The following WDR45B variants were observed in gnomAD, a reference collection of about 807,000 sequenced individuals.
The protein encoded by WDR45B is WD repeat domain 45B.
A neutral mutation model predicts 44.6 loss-of-function variants in WDR45B; 20 were observed. That is an observed-to-expected ratio of 0.45 (90% CI 0.32 to 0.65). The LOEUF (loss-of-function observed/expected upper bound fraction) is 0.65, where lower values mean the gene tolerates loss of function less well. Among genes scored for constraint, WDR45B ranks in the 30% least tolerant of loss-of-function variants. The pLI is 0.05. For missense variants in WDR45B, 323 were observed against 430.2 expected (o/e 0.75, Z 2.20); for synonymous variants, 169 against 164.9 (o/e 1.02, Z -0.19).
chr17:82,624,949 T>C (rs553744242), intron 5 of WDR45B, among the ~76,000 whole-genome samples: 28 of 152,294 alleles, frequency 1.8e-4, no homozygotes, highest in African/African-American at 6.7e-4. Context: ...AGTCAGTTTT[T>C]TGTAAATTTT....
At chr17:82,617,849 G>A (rs2045560064) in intron 7 of WDR45B, among the ~76,000 whole-genome samples, 1 of 152,202 alleles carries the variant, frequency 6.6e-6, no homozygotes, top group Non-Finnish European at 1.5e-5. Context: ...TCTAGGAGCA[G>A]ACAGGGATGT....
intron 4 of WDR45B, 78 bp downstream of exon 4, chr17:82,627,126 C>T (rs1192703244): frequency 7.5e-6 from 9 of 1,197,880 alleles, no homozygotes; most frequent in Admixed American, 1.7e-5. Flanking sequence ...CATTTTTCTG[C>T]CAAAAATAGA....
At chr17:82,623,329 G>C (rs1239528031) in intron 5 of WDR45B, among the ~76,000 whole-genome samples, 2 of 147,618 alleles carry the variant, frequency 1.4e-5, no homozygotes, top group African/African-American at 5.0e-5. Context: ...GGAGGTTGCA[G>C]TAAGCTGAGA....
intron 1 of WDR45B, among the ~76,000 whole-genome samples, chr17:82,645,976 C>T (rs952354319): frequency 5.9e-5 from 9 of 151,836 alleles, no homozygotes; most frequent in Non-Finnish European, 1.0e-4. Flanking sequence ...CAAAAATTAG[C>T]CGGGAGCGGT....
In WDR45B at chr17:82,615,200, A is replaced by C. The variant is rs1170777387; in HGVS notation, c.*719T>G. 9.7e-5 allele frequency: 15 copies of C among 153,986 alleles called. No homozygotes were observed. The South Asian group carries it at 2.9e-3, about 29-fold the overall frequency. The allele number at this position is 153,986 out of a possible 1,614,324, so 9.5% of individuals were successfully genotyped here. On this transcript the variant is annotated 3_prime_UTR_variant, in exon 10 of 10. Coordinates refer to ENST00000392325, the MANE Select transcript of WDR45B (RefSeq NM_019613.4). ...CCCGTCCCCGCCCCGCACACGCCTG[A>C]GGTGTGACGGCTCGGCTTCTAGAGT...
At chr17:82,621,550 T>C (rs2045616957) in intron 6 of WDR45B, 59 bp downstream of exon 6, 3 of 1,610,924 alleles carry the variant, frequency 1.9e-6, no homozygotes, top group Non-Finnish European at 1.7e-6. Context: ...GGAATGGCCA[T>C]TTTGCTGAGC....
At chr17:82,616,686 G>A (rs2045540457) in intron 8 of WDR45B, 41 bp from the exon 9 acceptor site, 2 of 1,613,044 alleles carry the variant, frequency 1.2e-6, no homozygotes, top group African/African-American at 1.3e-5. Context: ...AAAGTTTACA[G>A]GAAAAAAAAT....
intron 2 of WDR45B, among the ~76,000 whole-genome samples, chr17:82,632,007 G>A (rs1392920740): frequency 3.3e-5 from 5 of 149,922 alleles, no homozygotes; most frequent in Non-Finnish European, 5.9e-5. Context: ...CTTGAACCCC[G>A]GAGGCTGAGG....
At chr17:82,631,643 T>C (rs1384813074) in intron 2 of WDR45B, among the ~76,000 whole-genome samples, 1 of 115,660 alleles carries the variant, frequency 8.6e-6, no homozygotes, top group African/African-American at 3.7e-5. Context: ...ATGAGAAAGG[T>C]GACTGGCTAA....
intron 4 of WDR45B, among the ~76,000 whole-genome samples, chr17:82,626,419 C>T (rs776824979): frequency 8.6e-5 from 13 of 150,338 alleles, no homozygotes; most frequent in Non-Finnish European, 1.2e-4. Context: ...CCTGTAGTCC[C>T]AGCTACTCCG....
chr17:82,633,235 CAAT>C (rs1391494925), intron 2 of WDR45B, among the ~76,000 whole-genome samples: 7 of 150,806 alleles, frequency 4.6e-5, no homozygotes, highest in Non-Finnish European at 1.0e-4. Flanking sequence ...CCAAAGGACA[CAAT>C]CAACAGAATG....
intron 2 of WDR45B, among the ~76,000 whole-genome samples, 159 bp downstream of exon 2, chr17:82,643,790 G>A (rs1427307303): frequency 1.3e-5 from 2 of 152,136 alleles, no homozygotes; most frequent in Admixed American, 6.5e-5. Flanking sequence ...GAAGCTCAAC[G>A]AAAGAAAGAG....
rs754915766 is a variant in WDR45B at position 82,616,032 on chromosome 17, T to A, written c.929-7A>T. The A allele has an allele frequency of 1.2e-6, 2 of 1,612,596 alleles. No homozygotes were observed. The highest frequency in any genetic ancestry group is 1.3e-5 in the African/African-American group (1 of 75,008). The stretch of plus-strand genomic sequence containing the variant: ...CTGCCGTCTGCACAAATTGCTGGGA[T>A]AGAAGGAGACCATTTTACCTGTGTG... On this transcript the variant is annotated splice_region_variant and splice_polypyrimidine_tract_variant and intron_variant, in intron 9 of 9. Coordinates refer to ENST00000392325, the MANE Select transcript of WDR45B (RefSeq NM_019613.4).
intron 2 of WDR45B, among the ~76,000 whole-genome samples, chr17:82,643,110 G>T (rs528843073): frequency 1.3e-5 from 2 of 152,170 alleles, no homozygotes; most frequent in South Asian, 4.1e-4. Context: ...CTCTGAGGCA[G>T]GCATTGTTAT....
intron 6 of WDR45B, among the ~76,000 whole-genome samples, chr17:82,620,509 G>A (rs2045600197): frequency 6.6e-6 from 1 of 152,162 alleles, no homozygotes; most frequent in Admixed American, 6.6e-5. Context: ...AGGAGTGAGC[G>A]GGACACGCCC....
At chr17:82,624,767 C>T (rs1041125594) in intron 5 of WDR45B, among the ~76,000 whole-genome samples, 15 of 151,538 alleles carry the variant, frequency 9.9e-5, no homozygotes, top group Admixed American at 2.6e-4. Context: ...TACAGGTGCC[C>T]GCCACCACGC....
intron 4 of WDR45B, chr17:82,625,878 T>G (rs1301343709): frequency 2.0e-5 from 5 of 254,676 alleles, no homozygotes; most frequent in Non-Finnish European, 3.9e-5. Context: ...GCGTTTGCAT[T>G]ATTATTATTA....
At position 82,617,004 on chromosome 17, in the gene WDR45B, A is replaced by T. The variant is rs561936954; in HGVS notation, c.806+292T>A. Among the ~76,000 whole-genome samples the T allele has an allele frequency of 6.6e-5, 10 of 152,152 alleles. No homozygotes were observed. In the East Asian group the frequency reaches 1.9e-3, roughly 29 times the overall value. The stretch of plus-strand genomic sequence containing the variant: ...GGCTAGTTTTTGTTTTTTAGTAGAG[A>T]TGGGGTTTCACCATGTTAGCCAGGA... On this transcript the variant is annotated intron_variant, in intron 8 of 9. Coordinates refer to ENST00000392325, the MANE Select transcript of WDR45B (RefSeq NM_019613.4).
intron 2 of WDR45B, among the ~76,000 whole-genome samples, chr17:82,635,846 G>A (rs2045825447): frequency 6.6e-6 from 1 of 151,964 alleles, no homozygotes; most frequent in South Asian, 2.1e-4. Flanking sequence ...CACTCTGGGA[G>A]GCCAGGCCGA....
Sources: allele counts gnomAD v4.1 joint callset (sites outside exome capture counted in the v4.1 genomes callset), GRCh38; gene constraint gnomAD v4.1.1; transcripts MANE v1.5; gene names NCBI Gene and HGNC (gene_info 2026-07-23, HGNC 2026-07-21).